Variants in ACOT11 observed in about 807,000 individuals in gnomAD.
ACOT11 encodes acyl-CoA thioesterase 11.
In ACOT11, 69 loss-of-function variants were observed where a neutral mutation model predicts 77.5. The observed-to-expected ratio is 0.89, with a 90% confidence interval of 0.73 to 1.09. The LOEUF is 1.09. Ranked by LOEUF, ACOT11 falls within the 50% of genes least tolerant of loss-of-function variation. The pLI, the probability that ACOT11 is intolerant of heterozygous loss-of-function variation, is 0.00. For synonymous variants in ACOT11, 279 were observed against 313.0 expected (o/e 0.89, Z 1.15); for missense variants, 766 against 813.7 (o/e 0.94, Z 0.71).
chr1:54,585,002 T>A, intron 2 of ACOT11, 140 bp downstream of exon 2: 3 of 934,500 alleles, frequency 3.2e-6, no homozygotes. Context: ...TCCCTTTGTC[T>A]GAAATGCCCT....
chr1:54,593,916 C>G, intron 4 of ACOT11, 25 bp from the exon 5 acceptor site: 1 of 1,602,612 alleles, frequency 6.2e-7, no homozygotes, highest in Non-Finnish European at 8.5e-7. Flanking sequence ...TTCCTCATTC[C>G]TTCGCCCTTA....
intron 10 of ACOT11, among the ~76,000 whole-genome samples, chr1:54,603,657 G>C (rs1045218106): frequency 6.6e-6 from 1 of 152,084 alleles, no homozygotes; most frequent in Non-Finnish European, 1.5e-5. Flanking sequence ...TTGCTGGCTC[G>C]CTCCCACCTC....
intron 6 of ACOT11, among the ~76,000 whole-genome samples, chr1:54,596,933 C>G (rs949439908): frequency 6.6e-6 from 1 of 152,212 alleles, no homozygotes; most frequent in Non-Finnish European, 1.5e-5. Flanking sequence ...CCTATCGGGT[C>G]GGATTTCATG....
intron 3 of ACOT11, among the ~76,000 whole-genome samples, chr1:54,587,565 T>TTC (rs1408960725): frequency 7.5e-6 from 1 of 134,148 alleles, no homozygotes; most frequent in African/African-American, 2.8e-5. Context: ...TTTTTTTTTT[T>TTC]TTTTTTTTTT....
At chr1:54,594,791 G>A in intron 6 of ACOT11, 100 bp downstream of exon 6, 1 of 1,488,780 alleles carries the variant, frequency 6.7e-7, no homozygotes, top group Non-Finnish European at 9.0e-7. Context: ...GGAGGCTCCG[G>A]GGACTTCCAC....
chr1:54,614,352 C>T (rs1017785481), downstream of ACOT11, among the ~76,000 whole-genome samples: 2 of 152,142 alleles, frequency 1.3e-5, no homozygotes, highest in Admixed American at 1.3e-4. Flanking sequence ...GTCTGCCCTC[C>T]AGGAGTTCAA....
intron 1 of ACOT11, among the ~76,000 whole-genome samples, chr1:54,564,721 G>A (rs1261755612): frequency 6.6e-6 from 1 of 152,190 alleles, no homozygotes; most frequent in Non-Finnish European, 1.5e-5. Flanking sequence ...TGGGAGGTCC[G>A]AAGTCGGAAG....
intron 3 of ACOT11, among the ~76,000 whole-genome samples, chr1:54,587,160 A>G (rs1220529417): frequency 6.6e-6 from 1 of 152,158 alleles, no homozygotes; most frequent in Admixed American, 6.5e-5. Context: ...CGGACCTCCC[A>G]GTCTTCAGGG....
chr1:54,622,926 G>C (rs1644244643), intron 15 of ACOT11, among the ~76,000 whole-genome samples: 1 of 152,012 alleles, frequency 6.6e-6, no homozygotes, highest in Non-Finnish European at 1.5e-5. Flanking sequence ...TGTAATCCCA[G>C]CACTTTGAGA....
chr1:54,552,106 C>G (rs1445442643), intron 1 of ACOT11, among the ~76,000 whole-genome samples: 1 of 152,178 alleles, frequency 6.6e-6, no homozygotes, highest in African/African-American at 2.4e-5. Flanking sequence ...GGGTTCCTCT[C>G]TCTAGGCCTT....
At chr1:54,613,829 A>C (rs772764864), downstream of ACOT11, among the ~76,000 whole-genome samples, 14 of 152,146 alleles carry the variant, frequency 9.2e-5, no homozygotes, top group Non-Finnish European at 1.9e-4. Context: ...GCACAATAAT[A>C]AATTGGATGG....
At chr1:54,621,575 T>C (rs41297143) in intron 15 of ACOT11, 2,355 of 152,364 alleles carry the variant, frequency 0.015, 31 homozygotes, top group South Asian at 0.022. Flanking sequence ...CTGAGGGCAG[T>C]GAGCGAGGGT....
chr1:54,576,765 G>A (rs1007289635), intron 1 of ACOT11, among the ~76,000 whole-genome samples: 4 of 152,020 alleles, frequency 2.6e-5, no homozygotes, highest in Non-Finnish European at 4.4e-5. Flanking sequence ...CAGTGTGAGC[G>A]AGACTGGAGG....
downstream of ACOT11, chr1:54,611,604 A>G (rs1644118968): frequency 6.2e-7 from 1 of 1,613,054 alleles, no homozygotes; most frequent in Non-Finnish European, 8.5e-7. Context: ...TCCTCTCCTT[A>G]CAGGCCAGCT....
chr1:54,568,291 G>T (rs991087218), intron 1 of ACOT11, among the ~76,000 whole-genome samples: 2 of 146,984 alleles, frequency 1.4e-5, no homozygotes, highest in African/African-American at 2.5e-5. Flanking sequence ...CCCTCTTCTT[G>T]TTCCTCTTTT....
intron 1 of ACOT11, among the ~76,000 whole-genome samples, chr1:54,564,495 G>A (rs1217201445): frequency 6.6e-6 from 1 of 152,230 alleles, no homozygotes; most frequent in Non-Finnish European, 1.5e-5. Context: ...CTGCCCAGGT[G>A]TGGCCCTGTG....
Position 54,609,080 on chromosome 1 carries a change from AATG to A in ACOT11, c.1756_1758del (p.Asp586del). ...TGAGCAGTTTCTCTTGGACAACCGG[AATG>A]ATCTGGCCCCCAGCCTCCAGACCCT... is the stretch of plus-strand genomic sequence containing the variant. On this transcript the variant is annotated inframe_deletion, in exon 16 of 16. Coordinates refer to ENST00000343744, the MANE Select transcript of ACOT11 (RefSeq NM_147161.4). The A allele has an allele frequency of 1.2e-6, 2 of 1,614,068 alleles. No individual in the cohort carries two copies. Among genetic ancestry groups the A allele is most frequent in the Non-Finnish European group, 1.7e-6 (2 of 1,180,002 alleles).
At chr1:54,587,076 A>G (rs551853545) in intron 3 of ACOT11, among the ~76,000 whole-genome samples, 2 of 152,310 alleles carry the variant, frequency 1.3e-5, no homozygotes, top group Admixed American at 6.5e-5. Context: ...TTAATATTAG[A>G]TGAGCACCTT....
chr1:54,597,725 C>G (rs186872482), intron 7 of ACOT11: 2 of 359,180 alleles, frequency 5.6e-6, no homozygotes, highest in African/African-American at 2.1e-5. Context: ...TATCTATGTT[C>G]GCTTCACATC....
Sources: gnomAD v4.1 joint callset for allele counts (sites outside exome capture counted in the v4.1 genomes callset) on GRCh38, gnomAD v4.1.1 for gene constraint, MANE v1.5 for transcripts, NCBI Gene and HGNC (gene_info 2026-07-23, HGNC 2026-07-21) for gene names.